Variants in KRCC1 observed in about 807,000 individuals in gnomAD.
KRCC1 encodes the protein lysine rich coiled-coil 1.
KRCC1 carries 3 observed loss-of-function variants against 7.4 expected under a neutral mutation model. That is an observed-to-expected ratio of 0.40 (90% CI 0.18 to 1.04). KRCC1 has a LOEUF of 1.04. Ranked by LOEUF, KRCC1 falls within the 50% of genes least tolerant of loss-of-function variation. The pLI, the probability that KRCC1 is intolerant of heterozygous loss-of-function variation, is 0.33. For missense variants in KRCC1, 277 were observed against 300.9 expected (o/e 0.92, Z 0.59); for synonymous variants, 102 against 101.6 (o/e 1.00, Z -0.02).
chr2:88,050,134 T>C (rs1434665932), intron 1 of KRCC1, among the ~76,000 whole-genome samples: 3 of 152,242 alleles, frequency 2.0e-5, no homozygotes, highest in Non-Finnish European at 4.4e-5. Flanking sequence ...AACTCAAAAA[T>C]GTTTTCTGAA....
At chr2:88,042,202 A>T (rs1406735024) in intron 1 of KRCC1, among the ~76,000 whole-genome samples, 1 of 151,886 alleles carries the variant, frequency 6.6e-6, no homozygotes, top group Non-Finnish European at 1.5e-5. Flanking sequence ...CTGGGACTAC[A>T]GGCACCTGCC....
intron 1 of KRCC1, among the ~76,000 whole-genome samples, chr2:88,051,628 C>G (rs1413451482): frequency 6.6e-6 from 1 of 152,154 alleles, no homozygotes. Flanking sequence ...AGTAAAGTGA[C>G]AATAGGTAAT....
At chr2:88,053,338 T>A (rs1388025801) in intron 1 of KRCC1, among the ~76,000 whole-genome samples, 1 of 152,266 alleles carries the variant, frequency 6.6e-6, no homozygotes, top group Non-Finnish European at 1.5e-5. Context: ...CTGTGTGAAC[T>A]GACATCTTTT....
At chr2:88,038,269 T>C (rs1160244098) in intron 1 of KRCC1, among the ~76,000 whole-genome samples, 1 of 152,188 alleles carries the variant, frequency 6.6e-6, no homozygotes, top group Non-Finnish European at 1.5e-5. Flanking sequence ...AAGACAAGGA[T>C]GGTGACATCC....
chr2:88,051,254 T>C (rs1330988353), intron 1 of KRCC1, among the ~76,000 whole-genome samples: 2 of 152,182 alleles, frequency 1.3e-5, no homozygotes, highest in African/African-American at 4.8e-5. Flanking sequence ...TTACTGATAT[T>C]TGCTCTTTAT....
In KRCC1 at chr2:88,028,064, C is replaced by T. The variant is rs1178461037; in HGVS notation, c.500G>A (p.Gly167Asp). Residue 167 changes from glycine (G) to aspartate (D), a missense_variant, in exon 4 of 4, where the codon GGC (glycine) becomes GAC (aspartate). Transcript: ENST00000347055. ...HQKRKRHPEE[G>D]REKSEEERSK... The stretch of plus-strand genomic sequence containing the variant: ...CCGCTCCTCCTCTGATTTTTCTCTG[C>T]CTTCCTCTGGGTGCCTTTTCCTCTT... 1 of 1,614,116 alleles carries T rather than the reference C, an allele frequency of 6.2e-7. No homozygotes were observed. The highest frequency in any genetic ancestry group is 8.5e-7 in the Non-Finnish European group (1 of 1,180,038).
At chr2:88,041,067 G>C (rs1328099744) in intron 1 of KRCC1, among the ~76,000 whole-genome samples, 1 of 152,080 alleles carries the variant, frequency 6.6e-6, no homozygotes, top group Non-Finnish European at 1.5e-5. Flanking sequence ...CAGTCAATAG[G>C]GGAAGAAAAA....
chr2:88,029,854 A>AT (rs11334245), intron 3 of KRCC1, among the ~76,000 whole-genome samples: 11,642 of 138,292 alleles, frequency 0.084, 779 homozygotes, highest in African/African-American at 0.18. Flanking sequence ...ATATATATAT[A>AT]TTTTTTTTTT....
At chr2:88,035,426 A>T (rs1264337942) in intron 2 of KRCC1, among the ~76,000 whole-genome samples, 1 of 152,178 alleles carries the variant, frequency 6.6e-6, no homozygotes, top group Non-Finnish European at 1.5e-5. Flanking sequence ...TGAAATGAGG[A>T]TGCCATGGTT....
Position 88,037,031 on chromosome 2 carries a change from T to C in KRCC1, c.-270A>G, listed in dbSNP as rs1239191137. 35 of 152,210 alleles carry C rather than the reference T, an allele frequency of 2.3e-4. No individual in the cohort carries two copies. Among genetic ancestry groups the C allele is most frequent in the Admixed American group, 2.3e-3 (35 of 15,280 alleles). 9.4% of individuals were successfully genotyped at this position (152,210 alleles called of 1,614,324 possible). On this transcript the variant is annotated 5_prime_UTR_variant, in exon 2 of 4. Coordinates refer to ENST00000347055, the MANE Select transcript of KRCC1 (RefSeq NM_016618.3). ...AGGTATCTGTAAACAAAGTTCAGTC[T>C]TTGTTCATTCAATGTGGTATCTATC...
intron 3 of KRCC1, among the ~76,000 whole-genome samples, chr2:88,031,741 G>A (rs1412340465): frequency 1.3e-5 from 2 of 152,058 alleles, no homozygotes; most frequent in Non-Finnish European, 2.9e-5. Context: ...TAACCTAAGT[G>A]TGATTACAAA....
chr2:88,050,186 TTTAAC>T (rs761220337), intron 1 of KRCC1, among the ~76,000 whole-genome samples: 21 of 152,344 alleles, frequency 1.4e-4, no homozygotes, highest in Non-Finnish European at 2.6e-4. Flanking sequence ...CTTTATGTTG[TTTAAC>T]TTGAGTCTCC....
intron 1 of KRCC1, among the ~76,000 whole-genome samples, chr2:88,050,498 C>G (rs895944971): frequency 2.0e-5 from 3 of 152,268 alleles, no homozygotes; most frequent in African/African-American, 7.2e-5. Context: ...TGGTGCATGC[C>G]TGTAATCCCA....
chr2:88,031,486 G>T (rs1672989617), intron 3 of KRCC1, among the ~76,000 whole-genome samples: 1 of 152,078 alleles, frequency 6.6e-6, no homozygotes, highest in Non-Finnish European at 1.5e-5. Flanking sequence ...GCTGGGCATG[G>T]TGGCGCATGT....
chr2:88,028,614 G>A (rs1288574417), intron 3 of KRCC1, 29 bp from the exon 4 acceptor site: 3 of 1,038,482 alleles, frequency 2.9e-6, no homozygotes, highest in African/African-American at 3.2e-5. Context: ...ATTCTTACCA[G>A]ATCATCTTGT....
At chr2:88,054,092 T>C (rs1191662766) in intron 1 of KRCC1, among the ~76,000 whole-genome samples, 4 of 152,238 alleles carry the variant, frequency 2.6e-5, no homozygotes, top group Non-Finnish European at 5.9e-5. Context: ...TGCAGACATA[T>C]AGAACTATTA....
intron 1 of KRCC1, among the ~76,000 whole-genome samples, chr2:88,053,833 G>T (rs1368847377): frequency 6.6e-6 from 1 of 152,096 alleles, no homozygotes; most frequent in Non-Finnish European, 1.5e-5. Context: ...TTTTTATGGG[G>T]TTATATTTAT....
At chr2:88,028,980 A>C (rs1286742046) in intron 3 of KRCC1, among the ~76,000 whole-genome samples, 1 of 152,092 alleles carries the variant, frequency 6.6e-6, no homozygotes, top group African/African-American at 2.4e-5. Flanking sequence ...GCTTTGAAAA[A>C]CAAAGCAGCT....
intron 1 of KRCC1, among the ~76,000 whole-genome samples, chr2:88,052,968 T>C (rs545811689): frequency 6.6e-6 from 1 of 152,362 alleles, no homozygotes; most frequent in South Asian, 2.1e-4. Context: ...CTTTTGTGAC[T>C]GTGATTTTGA....
Sources: allele counts gnomAD v4.1 joint callset (sites outside exome capture counted in the v4.1 genomes callset), GRCh38; gene constraint gnomAD v4.1.1; transcripts MANE v1.5; gene names NCBI Gene and HGNC (gene_info 2026-07-23, HGNC 2026-07-21).